Variants in SPAG16 observed in about 807,000 individuals in gnomAD.
SPAG16 encodes the protein sperm associated antigen 16.
In SPAG16, 86 loss-of-function variants were observed where a neutral mutation model predicts 80.4. The ratio of observed to expected loss-of-function variants is 1.07; its 90% CI spans 0.90 to 1.28. SPAG16 has a LOEUF of 1.28. SPAG16 is among the 50% of genes most tolerant of loss of function. The probability of loss-of-function intolerance (pLI) is 0.00; values close to 1 mark genes in which losing one functional copy is unlikely to be tolerated. For missense variants in SPAG16, 870 were observed against 765.3 expected, an observed-to-expected ratio of 1.14 and a Z score of -1.61; for synonymous variants, 294 against 265.9, an observed-to-expected ratio of 1.11 and a Z score of -1.03.
chr2:213,873,179 A>C (rs1407226491), intron 11 of SPAG16, among the ~76,000 whole-genome samples: 2 of 151,862 alleles, frequency 1.3e-5, no homozygotes, highest in Non-Finnish European at 2.9e-5. Context: ...CAGTGAAGCC[A>C]TCTGGTCTTG....
intron 10 of SPAG16, among the ~76,000 whole-genome samples, chr2:213,813,609 A>C (rs910005341): frequency 2.0e-5 from 3 of 152,164 alleles, no homozygotes; most frequent in Non-Finnish European, 4.4e-5. Context: ...AGGTAGAAGC[A>C]AAAATTGTCT....
intron 10 of SPAG16, among the ~76,000 whole-genome samples, chr2:213,787,560 T>C (rs2070420681): frequency 6.6e-6 from 1 of 152,160 alleles, no homozygotes; most frequent in South Asian, 2.1e-4. Context: ...ATGTAAGTCA[T>C]GTGCCCTTTA....
At position 213,499,087 on chromosome 2, in the gene SPAG16, A is replaced by T. The variant is rs560553924; in HGVS notation, c.1070+8997A>T. On this transcript the variant is annotated intron_variant, in intron 10 of 15. Coordinates refer to ENST00000331683, the MANE Select transcript of SPAG16 (RefSeq NM_024532.5). ...GCTCTTCCCTATGTAGCTCTAACCA[A>T]TTTTTTTTTCTAGTTCTATTGTGTC... 1.3e-3 allele frequency among the ~76,000 whole-genome samples: 191 copies of T among 151,138 alleles called. 1 individual carries two copies. The highest frequency in any genetic ancestry group is 2.1e-3 in the Non-Finnish European group (142 of 67,610).
At chr2:214,177,962 A>G (rs1454766586) in intron 15 of SPAG16, among the ~76,000 whole-genome samples, 1 of 88,892 alleles carries the variant, frequency 1.1e-5, no homozygotes, top group Non-Finnish European at 2.2e-5. Context: ...CTAACTTCAC[A>G]AAGTGTATGT....
chr2:213,408,092 G>A (rs925964486), intron 9 of SPAG16, among the ~76,000 whole-genome samples: 1 of 150,364 alleles, frequency 6.7e-6, no homozygotes, highest in Non-Finnish European at 1.5e-5. Context: ...GAGAAAAATA[G>A]AAGTAGTAAA....
chr2:214,153,422 C>T (rs2056072363), intron 15 of SPAG16, among the ~76,000 whole-genome samples: 1 of 152,080 alleles, frequency 6.6e-6, no homozygotes, highest in Non-Finnish European at 1.5e-5. Context: ...CATATATAAT[C>T]ATATCTAAGA....
At chr2:213,675,837 T>C (rs556114004) in intron 10 of SPAG16, among the ~76,000 whole-genome samples, 20 of 150,708 alleles carry the variant, frequency 1.3e-4, no homozygotes, top group African/African-American at 4.9e-4. Context: ...CCAGCTTTGT[T>C]CTTTTGGCTT....
intron 10 of SPAG16, among the ~76,000 whole-genome samples, chr2:213,823,642 G>A (rs1464368715): frequency 6.6e-6 from 1 of 152,144 alleles, no homozygotes; most frequent in Non-Finnish European, 1.5e-5. Context: ...TTACAGGTGT[G>A]AGTCACCACA....
At chr2:214,059,890 G>T (rs2050167190) in intron 13 of SPAG16, among the ~76,000 whole-genome samples, 1 of 152,106 alleles carries the variant, frequency 6.6e-6, no homozygotes, top group African/African-American at 2.4e-5. Flanking sequence ...CCGTGGTCAG[G>T]TTATGTTATC....
intron 12 of SPAG16, among the ~76,000 whole-genome samples, chr2:213,966,078 T>C (rs1310483283): frequency 6.6e-6 from 1 of 152,028 alleles, no homozygotes; most frequent in African/African-American, 2.4e-5. Context: ...CTGCAACATA[T>C]ACCTAGGGCA....
intron 12 of SPAG16, among the ~76,000 whole-genome samples, chr2:213,958,233 C>A (rs2106343067): frequency 6.6e-6 from 1 of 152,236 alleles, no homozygotes; most frequent in Middle Eastern, 3.4e-3. Context: ...GGCACAAGTT[C>A]CGTGGAGTCT....
At chr2:213,969,448 G>A (rs2044894294) in intron 12 of SPAG16, among the ~76,000 whole-genome samples, 2 of 152,178 alleles carry the variant, frequency 1.3e-5, no homozygotes, top group African/African-American at 4.8e-5. Flanking sequence ...GTGTTAAGAA[G>A]TGAGGTATTT....
intron 12 of SPAG16, among the ~76,000 whole-genome samples, chr2:213,984,214 A>G (rs2045898978): frequency 6.6e-6 from 1 of 152,110 alleles, no homozygotes; most frequent in African/African-American, 2.4e-5. Context: ...TAGAGAACTT[A>G]TTATGGAGGT....
rs536859372 is a variant in SPAG16 at position 213,721,466 on chromosome 2, A to G, written c.1071-141019A>G. On this transcript the variant is annotated intron_variant, in intron 10 of 15. Coordinates refer to ENST00000331683, the MANE Select transcript of SPAG16 (RefSeq NM_024532.5). ...AGGAACACTTAAGTGCTTATATTTT[A>G]TATTTACTGTTAGTCATTTAGAAAT... is the stretch of plus-strand genomic sequence containing the variant. 2.1e-3 allele frequency among the ~76,000 whole-genome samples: 323 copies of G among 152,332 alleles called. 1 individual carries two copies. The highest frequency in any genetic ancestry group is 3.9e-3 in the Non-Finnish European group (264 of 68,026).
intron 10 of SPAG16, among the ~76,000 whole-genome samples, chr2:213,842,157 T>C (rs2074393848): frequency 6.6e-6 from 1 of 152,176 alleles, no homozygotes; most frequent in African/African-American, 2.4e-5. Flanking sequence ...AAATTTTCTT[T>C]CCTGAATTCA....
intron 9 of SPAG16, among the ~76,000 whole-genome samples, chr2:213,415,494 C>G (rs1361560057): frequency 6.6e-6 from 1 of 152,202 alleles, no homozygotes; most frequent in Non-Finnish European, 1.5e-5. Flanking sequence ...ATGCAGCAAT[C>G]TATCTGGGTG....
chr2:214,254,540 C>T (rs143455640), intron 15 of SPAG16, among the ~76,000 whole-genome samples: 270 of 152,024 alleles, frequency 1.8e-3, no homozygotes, highest in African/African-American at 6.2e-3. Flanking sequence ...AACAATCGGT[C>T]AGCTTAGTCA....
chr2:213,316,483 A>C (rs1408374647), intron 4 of SPAG16, among the ~76,000 whole-genome samples: 2 of 151,992 alleles, frequency 1.3e-5, no homozygotes, highest in Non-Finnish European at 2.9e-5. Flanking sequence ...GGTCAGTGTC[A>C]CTTATCTCAA....
chr2:214,056,314 C>CAT (rs1491499741), intron 13 of SPAG16, among the ~76,000 whole-genome samples: 29 of 146,542 alleles, frequency 2.0e-4, no homozygotes, highest in African/African-American at 7.0e-4. Flanking sequence ...CACACACACA[C>CAT]GCATAGAGAG....
Sources: gnomAD v4.1 joint callset for allele counts (sites outside exome capture counted in the v4.1 genomes callset) on GRCh38, gnomAD v4.1.1 for gene constraint, MANE v1.5 for transcripts, NCBI Gene and HGNC (gene_info 2026-07-23, HGNC 2026-07-21) for gene names.